The following UST variants were observed in gnomAD, a reference collection of about 807,000 sequenced individuals.
The protein encoded by UST is uronyl 2-sulfotransferase.
UST carries 21 observed loss-of-function variants against 45.6 expected under a neutral mutation model. That is an observed-to-expected ratio of 0.46 (90% CI 0.33 to 0.66). UST has a LOEUF of 0.66. UST is among the 30% of genes least tolerant of loss of function. The pLI, the probability that UST is intolerant of heterozygous loss-of-function variation, is 0.02. For synonymous variants in UST, 215 were observed against 200.6 expected (o/e 1.07, Z -0.61); for missense variants, 463 against 512.4 (o/e 0.90, Z 0.93).
chr6:148,877,727 C>T (rs1469995017), intron 1 of UST, among the ~76,000 whole-genome samples: 4 of 61,338 alleles, frequency 6.5e-5, no homozygotes, highest in African/African-American at 3.6e-4. Flanking sequence ...GTGGGGTGGT[C>T]GTGTATGAGT....
chr6:148,787,502 T>G (rs1235000191), intron 1 of UST, among the ~76,000 whole-genome samples: 1 of 152,134 alleles, frequency 6.6e-6, no homozygotes, highest in Non-Finnish European at 1.5e-5. Context: ...TGGTTGCAGG[T>G]GTGTGGCCTT....
chr6:148,973,664 A>G (rs190167531), intron 5 of UST, among the ~76,000 whole-genome samples: 1 of 152,210 alleles, frequency 6.6e-6, no homozygotes, highest in African/African-American at 2.4e-5. Flanking sequence ...AGAAGTTGGC[A>G]TGCCTCTATA....
chr6:148,806,847 C>T (rs995800507), intron 1 of UST, among the ~76,000 whole-genome samples: 5 of 152,172 alleles, frequency 3.3e-5, no homozygotes, highest in African/African-American at 1.2e-4. Flanking sequence ...GGCCCAGGCT[C>T]ATCCTTTGAT....
At chr6:148,996,651 A>G (rs1000119707) in intron 5 of UST, among the ~76,000 whole-genome samples, 4 of 152,210 alleles carry the variant, frequency 2.6e-5, no homozygotes, top group African/African-American at 9.6e-5. Flanking sequence ...TAATTAACAT[A>G]TTTTAACTTG....
intron 5 of UST, among the ~76,000 whole-genome samples, chr6:149,014,799 A>G (rs1775871387): frequency 6.6e-6 from 1 of 152,268 alleles, no homozygotes; most frequent in South Asian, 2.1e-4. Flanking sequence ...GTTTCTTTCA[A>G]ATGCAGATTC....
chr6:148,966,762 A>C (rs1451966713), intron 5 of UST, among the ~76,000 whole-genome samples: 1 of 152,214 alleles, frequency 6.6e-6, no homozygotes, highest in Non-Finnish European at 1.5e-5. Context: ...TTTGAGACAC[A>C]GTCTTGCTCT....
intron 1 of UST, among the ~76,000 whole-genome samples, chr6:148,822,693 A>G (rs575871635): frequency 3.3e-5 from 5 of 152,286 alleles, no homozygotes; most frequent in African/African-American, 1.2e-4. Context: ...AATGATACAA[A>G]CAAACCTGAT....
intron 7 of UST, among the ~76,000 whole-genome samples, chr6:149,044,784 G>A (rs921696702): frequency 2.6e-5 from 4 of 152,148 alleles, no homozygotes; most frequent in African/African-American, 9.7e-5. Flanking sequence ...TTAATAATGT[G>A]CTCAGTAGTC....
intron 1 of UST, among the ~76,000 whole-genome samples, chr6:148,827,880 T>G (rs767488371): frequency 1.9e-4 from 29 of 152,146 alleles, no homozygotes; most frequent in Non-Finnish European, 3.1e-4. Context: ...AGCATGTATT[T>G]TTAAAAGTGT....
chr6:148,786,157 C>T (rs1313239190), intron 1 of UST, among the ~76,000 whole-genome samples: 3 of 151,418 alleles, frequency 2.0e-5, no homozygotes, highest in Non-Finnish European at 4.4e-5. Context: ...CAAAGAGTTT[C>T]AACTCTCAAT....
At chr6:148,828,622 TTC>T (rs958377723) in intron 1 of UST, among the ~76,000 whole-genome samples, 1 of 152,196 alleles carries the variant, frequency 6.6e-6, no homozygotes, top group African/African-American at 2.4e-5. Flanking sequence ...GGTTTCACTT[TTC>T]TCACCTGTAA....
chr6:148,870,497 C>G (rs1337209979), intron 1 of UST, among the ~76,000 whole-genome samples: 1 of 152,174 alleles, frequency 6.6e-6, no homozygotes, highest in African/African-American at 2.4e-5. Context: ...ACTCACCATC[C>G]AGCAGTCCCC....
chr6:149,010,895 C>CAAAAAAAAAAAAAA (rs1172538648), intron 5 of UST, among the ~76,000 whole-genome samples: 6 of 65,608 alleles, frequency 9.1e-5, no homozygotes, highest in African/African-American at 1.3e-4. Context: ...CCGTCTCAAC[C>CAAAAAAAAAAAAAA]AAAAAAAAAA....
intron 7 of UST, among the ~76,000 whole-genome samples, chr6:149,037,127 G>A (rs943061955): frequency 1.3e-5 from 2 of 152,102 alleles, no homozygotes; most frequent in Admixed American, 6.5e-5. Context: ...GGTGAGCACA[G>A]CCAGTCTGCT....
At chr6:148,952,809 A>G (rs754155837) in intron 3 of UST, among the ~76,000 whole-genome samples, 1 of 152,224 alleles carries the variant, frequency 6.6e-6, no homozygotes, top group Non-Finnish European at 1.5e-5. Flanking sequence ...GCAAGCTGCA[A>G]TGTGCTTTTA....
At chr6:148,970,462 C>A (rs532644857) in intron 5 of UST, among the ~76,000 whole-genome samples, 1 of 152,180 alleles carries the variant, frequency 6.6e-6, no homozygotes, top group Admixed American at 6.5e-5. Flanking sequence ...TGGTGAAGAT[C>A]AAACCACAAA....
intron 1 of UST, among the ~76,000 whole-genome samples, chr6:148,864,951 A>G (rs1019256638): frequency 6.6e-6 from 1 of 152,218 alleles, no homozygotes; most frequent in Admixed American, 6.5e-5. Flanking sequence ...CATTATTTAT[A>G]TAGTTGTTTT....
intron 1 of UST, among the ~76,000 whole-genome samples, chr6:148,883,577 A>G (rs11970078): frequency 0.029 from 4,443 of 152,292 alleles, 207 homozygotes; most frequent in African/African-American, 0.1. Flanking sequence ...CTTGGTGCTT[A>G]ATCCTGACTT....
intron 1 of UST, among the ~76,000 whole-genome samples, chr6:148,785,560 G>T (rs1388843557): frequency 6.6e-6 from 1 of 152,230 alleles, no homozygotes; most frequent in Non-Finnish European, 1.5e-5. Flanking sequence ...CATTTGTGCA[G>T]AGTGGTTGAA....
Sources: gnomAD v4.1 joint callset for allele counts (sites outside exome capture counted in the v4.1 genomes callset) on GRCh38, gnomAD v4.1.1 for gene constraint, MANE v1.5 for transcripts, NCBI Gene and HGNC (gene_info 2026-07-23, HGNC 2026-07-21) for gene names.